DOCK2: variants seen among roughly 807,000 people sequenced by gnomAD.
DOCK2 encodes the protein dedicator of cytokinesis protein 2.
Under a neutral mutation model 248.9 loss-of-function variants are expected in DOCK2, and 87 were observed. The observed-to-expected ratio is 0.35, with a 90% CI of 0.29 to 0.42. The LOEUF is 0.42. Among genes scored for constraint, DOCK2 ranks in the 10% least tolerant of loss-of-function variants. DOCK2 has a pLI of 1.00. For missense variants in DOCK2, 1,747 were observed against 2,300.2 expected (o/e 0.76, Z 4.92); for synonymous variants, 805 against 821.6 (o/e 0.98, Z 0.35).
chr5:169,706,659 A>G (rs1761284216), intron 14 of DOCK2, among the ~76,000 whole-genome samples: 1 of 152,242 alleles, frequency 6.6e-6, no homozygotes, highest in South Asian at 2.1e-4. Context: ...ATGGAAAAAC[A>G]AGGAGAGCTG....
chr5:169,823,748 A>T (rs1035039884), intron 26 of DOCK2, among the ~76,000 whole-genome samples: 1 of 152,200 alleles, frequency 6.6e-6, no homozygotes, highest in Non-Finnish European at 1.5e-5. Flanking sequence ...CCTATTCAAC[A>T]TAGTGTTGGA....
At chr5:169,725,746 A>C (rs1317062872) in intron 22 of DOCK2, among the ~76,000 whole-genome samples, 6 of 151,724 alleles carry the variant, frequency 4.0e-5, no homozygotes, top group Non-Finnish European at 7.4e-5. Flanking sequence ...TATGAGTGAG[A>C]ACATGCGGTG....
At chr5:169,743,825 GATAT>G (rs906889707) in intron 22 of DOCK2, among the ~76,000 whole-genome samples, 6 of 147,438 alleles carry the variant, frequency 4.1e-5, no homozygotes, top group African/African-American at 1.5e-4. Flanking sequence ...ATATATTTTA[GATAT>G]ATATATTTAT....
At chr5:169,677,291 A>G (rs1204053083) in intron 6 of DOCK2, among the ~76,000 whole-genome samples, 1 of 152,206 alleles carries the variant, frequency 6.6e-6, no homozygotes, top group Non-Finnish European at 1.5e-5. Flanking sequence ...TCTGATTTAC[A>G]TCCACACCAC....
At chr5:169,709,550 C>A (rs114884879) in intron 15 of DOCK2, among the ~76,000 whole-genome samples, 1,847 of 151,956 alleles carry the variant, frequency 0.012, 32 homozygotes, top group African/African-American at 0.042. Context: ...AAAATAAATA[C>A]ATACATACAT....
chr5:169,648,634 C>T (rs1757617811), intron 1 of DOCK2, among the ~76,000 whole-genome samples: 1 of 152,280 alleles, frequency 6.6e-6, no homozygotes, highest in Non-Finnish European at 1.5e-5. Flanking sequence ...TTGGCCCCTT[C>T]TTTGCTGTGT....
chr5:169,825,849 C>CA (rs144445615), intron 26 of DOCK2, among the ~76,000 whole-genome samples: 13,509 of 142,544 alleles, frequency 0.095, 661 homozygotes, highest in Admixed American at 0.14. Flanking sequence ...AAAAACAAAA[C>CA]AAAAAAATCT....
At chr5:169,705,251 G>C (rs76035045) in intron 14 of DOCK2, among the ~76,000 whole-genome samples, 3,858 of 152,274 alleles carry the variant, frequency 0.025, 138 homozygotes, top group South Asian at 0.14. Flanking sequence ...ATTCAGAGAA[G>C]AGGACCAAGT....
chr5:169,767,960 GT>G (rs2113760779), intron 25 of DOCK2, among the ~76,000 whole-genome samples: 2 of 152,346 alleles, frequency 1.3e-5, no homozygotes, highest in Non-Finnish European at 1.5e-5. Flanking sequence ...CCAAATCTCA[GT>G]GGTTTGATAA....
intron 22 of DOCK2, among the ~76,000 whole-genome samples, chr5:169,737,466 C>T (rs1272176766): frequency 6.6e-6 from 1 of 152,066 alleles, no homozygotes; most frequent in African/African-American, 2.4e-5. Context: ...GCATACATGT[C>T]CTAGAATCCT....
chr5:169,957,402 GCA>G lies in DOCK2; in HGVS notation c.2800-25664_2800-25663del, dbSNP rs1581470515. 2.0e-5 allele frequency among the ~76,000 whole-genome samples: 3 copies of G among 152,250 alleles called. No homozygotes were observed. In the East Asian group the frequency reaches 5.8e-4, roughly 29 times the overall value. On this transcript the variant is annotated intron_variant, in intron 27 of 51. Coordinates refer to ENST00000520908, the MANE Select transcript of DOCK2 (RefSeq NM_004946.3). Reference sequence around the variant, plus strand: ...TAGCACATTGTTTAGAACGTAATAGGCACTCAACCAATGTTAGCTTAGTACTA... The same window carrying G: ...TAGCACATTGTTTAGAACGTAATAGGCTCAACCAATGTTAGCTTAGTACTA...
rs1353464618 is a variant in DOCK2, at chr5:169,813,065, G to C, written c.2703+9859G>C. The stretch of plus-strand genomic sequence containing the variant: ...AAAGGTGTCTTCCTGTCCTTTCAGG[G>C]GCTCCTGCGGGGAATTCCAGAACTT... On this transcript the variant is annotated intron_variant, in intron 26 of 51. Transcript: ENST00000520908. Among the ~76,000 whole-genome samples the C allele has an allele frequency of 2.6e-5, 4 of 152,320 alleles. No homozygotes were observed. In the South Asian group the frequency reaches 8.3e-4, roughly 32 times the overall value.
At chr5:170,045,478 A>G (rs1039080768) in intron 38 of DOCK2, among the ~76,000 whole-genome samples, 15 of 152,188 alleles carry the variant, frequency 9.9e-5, no homozygotes, top group African/African-American at 3.6e-4. Context: ...GACCCGGGAC[A>G]GGTTGCTGGG....
chr5:169,686,134 G>A (rs868102709), intron 8 of DOCK2, among the ~76,000 whole-genome samples: 54 of 152,302 alleles, frequency 3.5e-4, no homozygotes, highest in African/African-American at 1.2e-3. Flanking sequence ...AGAGGCAGGG[G>A]CCCCTTGCTG....
intron 20 of DOCK2, among the ~76,000 whole-genome samples, chr5:169,717,134 T>C (rs1283856924): frequency 6.6e-6 from 1 of 152,198 alleles, no homozygotes; most frequent in Non-Finnish European, 1.5e-5. Flanking sequence ...TAAGAAAGTC[T>C]AATAATGATA....
At chr5:169,652,721 A>AG (rs951728220) in intron 1 of DOCK2, among the ~76,000 whole-genome samples, 5 of 152,146 alleles carry the variant, frequency 3.3e-5, no homozygotes, top group Non-Finnish European at 7.4e-5. Flanking sequence ...TGATTGGACC[A>AG]GGGGAAGGAG....
At chr5:169,944,996 C>A (rs907332115) in intron 27 of DOCK2, among the ~76,000 whole-genome samples, 1 of 152,204 alleles carries the variant, frequency 6.6e-6, no homozygotes, top group Non-Finnish European at 1.5e-5. Context: ...TGGCAAATAC[C>A]TCTAGGAGGA....
At chr5:169,819,789 A>G (rs246767) in intron 26 of DOCK2, among the ~76,000 whole-genome samples, 30,152 of 152,166 alleles carry the variant, frequency 0.2, 3,553 homozygotes, top group East Asian at 0.42. Flanking sequence ...CAGTGGGGGC[A>G]GCACACCGAG....
chr5:169,637,392 G>A lies in DOCK2; in HGVS notation c.43+23G>A, dbSNP rs1303241062. ...TGGGTAGGTGCGGGCCCCAGGGCGC[G>A]GCAGGGAGCGGGACAGGTGGCGGGA... On this transcript the variant is annotated intron_variant, in intron 1 of 51. Coordinates refer to ENST00000520908, the MANE Select transcript of DOCK2 (RefSeq NM_004946.3). 5 of 1,373,412 alleles carry A rather than the reference G, an allele frequency of 3.6e-6. No homozygotes were observed. In the African/African-American group the frequency reaches 4.5e-5, roughly 12 times the overall value. 85.1% of individuals were successfully genotyped at this position (1,373,412 alleles called of 1,614,324 possible).
Sources: allele counts gnomAD v4.1 joint callset (sites outside exome capture counted in the v4.1 genomes callset), GRCh38; gene constraint gnomAD v4.1.1; transcripts MANE v1.5; gene names NCBI Gene and HGNC (gene_info 2026-07-23, HGNC 2026-07-21).